The following FER variants were observed in gnomAD, a reference collection of about 807,000 sequenced individuals.
The protein encoded by FER is FER tyrosine kinase, also known as tyrosine-protein kinase Fer.
Under a neutral mutation model 111.0 loss-of-function variants are expected in FER, and 63 were observed. The ratio of observed to expected loss-of-function variants is 0.57; its 90% CI spans 0.46 to 0.70. The LOEUF (loss-of-function observed/expected upper bound fraction) is 0.70. Among genes scored for constraint, FER ranks in the 30% least tolerant of loss-of-function variants. The pLI is 0.00. For missense variants in FER, 914 were observed against 954.0 expected (o/e 0.96, Z 0.55); for synonymous variants, 327 against 313.9 (o/e 1.04, Z -0.44).
intron 8 of FER, among the ~76,000 whole-genome samples, chr5:108,879,111 T>G (rs921558896): frequency 6.6e-6 from 1 of 152,110 alleles, no homozygotes; most frequent in Non-Finnish European, 1.5e-5. Context: ...AAATGTTAAG[T>G]ATTATGTCAT....
chr5:109,003,001 T>G (rs1765004877), intron 13 of FER, among the ~76,000 whole-genome samples: 2 of 152,104 alleles, frequency 1.3e-5, no homozygotes, highest in South Asian at 4.2e-4. Context: ...ATAGGAACAC[T>G]TTTTTACACT....
At chr5:108,895,463 G>A (rs1403571240) in intron 9 of FER, among the ~76,000 whole-genome samples, 2 of 152,116 alleles carry the variant, frequency 1.3e-5, no homozygotes, top group African/African-American at 2.4e-5. Flanking sequence ...AGACACTCTA[G>A]GGGAGAATTT....
intron 13 of FER, among the ~76,000 whole-genome samples, chr5:109,020,829 T>C (rs1767824314): frequency 6.6e-6 from 1 of 152,070 alleles, no homozygotes; most frequent in African/African-American, 2.4e-5. Flanking sequence ...TTTTGTTTAT[T>C]TTAATTATTG....
At chr5:109,133,873 C>G (rs1390843874) in intron 17 of FER, among the ~76,000 whole-genome samples, 2 of 152,018 alleles carry the variant, frequency 1.3e-5, no homozygotes, top group African/African-American at 4.8e-5. Context: ...AAATATATTT[C>G]AACTCCAAAA....
At chr5:109,012,526 A>C (rs60094908) in intron 13 of FER, among the ~76,000 whole-genome samples, 9,329 of 152,276 alleles carry the variant, frequency 0.061, 680 homozygotes, top group African/African-American at 0.17. Flanking sequence ...TTTCAAAGTA[A>C]AAGCTTTTAT....
chr5:108,897,895 A>G (rs1749387519), intron 10 of FER, 47 bp downstream of exon 10: 1 of 1,466,204 alleles, frequency 6.8e-7, no homozygotes. Context: ...AGTAGTGTCT[A>G]GGTAATAAGT....
At chr5:109,041,400 C>G (rs562184487) in intron 14 of FER, among the ~76,000 whole-genome samples, 28 of 151,796 alleles carry the variant, frequency 1.8e-4, no homozygotes, top group African/African-American at 6.8e-4. Flanking sequence ...AGTGATAGAA[C>G]CGAAAGATTG....
chr5:108,918,545 G>C (rs1489695936), intron 10 of FER, among the ~76,000 whole-genome samples: 7 of 148,924 alleles, frequency 4.7e-5, no homozygotes, highest in African/African-American at 1.5e-4. Flanking sequence ...GGAGTGCAGT[G>C]GTGCGATCTC....
Position 109,120,168 on chromosome 5 carries a change from A to G in FER, c.2048+19649A>G, listed in dbSNP as rs115980321. On this transcript the variant is annotated intron_variant, in intron 17 of 19. Transcript: ENST00000281092. ...TGGTTGCCTATGCTTGTGAGGTATT[A>G]CTGAAGAATCAGCCCAATGTCCTGG... Among the ~76,000 whole-genome samples the G allele has an allele frequency of 2.6e-3, 399 of 152,196 alleles. 6 individuals are homozygous for G. The highest frequency in any genetic ancestry group is 8.6e-3 in the African/African-American group (358 of 41,556).
At chr5:108,983,154 T>C (rs1762187410) in intron 13 of FER, among the ~76,000 whole-genome samples, 1 of 151,992 alleles carries the variant, frequency 6.6e-6, no homozygotes, top group Admixed American at 6.6e-5. Context: ...TATGACAATA[T>C]GGAAATATGT....
chr5:108,976,974 A>G lies in FER; in HGVS notation c.1656+17627A>G, dbSNP rs181275239. Reference sequence around the variant, plus strand: ...TGTTATTCAAGGTTTATGGTATTGCATAAAACATGATGAAAAATTCACAAG... The same window carrying G: ...TGTTATTCAAGGTTTATGGTATTGCGTAAAACATGATGAAAAATTCACAAG... On this transcript the variant is annotated intron_variant, in intron 13 of 19. Coordinates refer to ENST00000281092, the MANE Select transcript of FER (RefSeq NM_005246.4). Among the ~76,000 whole-genome samples, 461 of 152,342 alleles carry G rather than the reference A, an allele frequency of 3.0e-3. 3 individuals carry two copies. Among genetic ancestry groups the G allele is most frequent in the Non-Finnish European group, 5.1e-3 (347 of 68,028 alleles).
intron 2 of FER, among the ~76,000 whole-genome samples, chr5:108,784,808 C>T (rs1201819660): frequency 6.6e-6 from 1 of 152,202 alleles, no homozygotes; most frequent in African/African-American, 2.4e-5. Context: ...ATCGCTCCTG[C>T]TATAGTTTGT....
rs1394122142 is a variant in FER, at chr5:108,867,843, A to G, written c.558A>G (p.Val186=). The G allele has an allele frequency of 1.9e-6, 3 of 1,613,218 alleles. No homozygotes were observed. The highest frequency in any genetic ancestry group is 2.5e-6 in the Non-Finnish European group (3 of 1,179,540). ...MKLHMLHNQY[V]LALKGAQLHQ... The stretch of plus-strand genomic sequence containing the variant: ...TTCATATGTTGCACAATCAGTATGT[A>G]TTGGCGTTGAAAGGGGCACAGCTCC... The change falls in exon 6 of 20, where the codon GTA becomes GTG. Residue 186 remains valine (V), a synonymous_variant. Transcript: ENST00000281092.
chr5:109,127,630 C>T (rs1383869795), intron 17 of FER, among the ~76,000 whole-genome samples: 1 of 152,060 alleles, frequency 6.6e-6, no homozygotes, highest in Non-Finnish European at 1.5e-5. Context: ...TGATCTCGAT[C>T]TCCTGAGCTC....
intron 17 of FER, among the ~76,000 whole-genome samples, chr5:109,156,182 C>G (rs1755351910): frequency 1.3e-5 from 2 of 151,780 alleles, no homozygotes; most frequent in African/African-American, 2.4e-5. Context: ...AAGCTAATAC[C>G]AGAGACAAGC....
intron 3 of FER, among the ~76,000 whole-genome samples, chr5:108,814,294 G>T (rs896306053): frequency 6.6e-6 from 1 of 152,030 alleles, no homozygotes; most frequent in African/African-American, 2.4e-5. Flanking sequence ...CCCAAGGGAG[G>T]GTTATTGGAT....
At chr5:108,897,988 C>A in intron 10 of FER, 140 bp downstream of exon 10, 1 of 751,194 alleles carries the variant, frequency 1.3e-6, no homozygotes, top group Non-Finnish European at 2.0e-6. Flanking sequence ...TTTGTAAATG[C>A]AAAATAGACT....
intron 13 of FER, among the ~76,000 whole-genome samples, chr5:109,031,940 T>G (rs1192377766): frequency 6.6e-6 from 1 of 152,186 alleles, no homozygotes; most frequent in Admixed American, 6.6e-5. Flanking sequence ...AGATGAACTT[T>G]CCTAGAGAAG....
chr5:108,946,626 T>C (rs896143263), intron 11 of FER, among the ~76,000 whole-genome samples: 1 of 152,022 alleles, frequency 6.6e-6, no homozygotes, highest in African/African-American at 2.4e-5. Flanking sequence ...TTTATGTGTA[T>C]ATTTATATTT....
Sources: gnomAD v4.1 joint callset for allele counts (sites outside exome capture counted in the v4.1 genomes callset) on GRCh38, gnomAD v4.1.1 for gene constraint, MANE v1.5 for transcripts, NCBI Gene and HGNC (gene_info 2026-07-23, HGNC 2026-07-21) for gene names.